Variants in EYS observed in about 807,000 individuals in gnomAD.
EYS encodes the protein protein eyes shut homolog.
EYS carries 250 observed loss-of-function variants against 282.1 expected under a neutral mutation model. The observed-to-expected ratio is 0.89, with a 90% CI of 0.80 to 0.98. The LOEUF is 0.98. EYS is among the 50% of genes least tolerant of loss of function. EYS has a pLI of 0.00. For missense variants in EYS, 4,016 were observed against 3,709.0 expected (o/e 1.08, Z -2.15); for synonymous variants, 1,355 against 1,282.9 (o/e 1.06, Z -1.20).
At chr6:64,516,699 A>C (rs1777569177) in intron 26 of EYS, among the ~76,000 whole-genome samples, 1 of 151,732 alleles carries the variant, frequency 6.6e-6, no homozygotes, top group East Asian at 1.9e-4. Context: ...GGAAATAAAC[A>C]TCTTCACATT....
rs375312366 is a variant in EYS at position 64,651,656 on chromosome 6, G to T, written c.3444-25411C>A. On this transcript the variant is annotated intron_variant, in intron 22 of 42. Coordinates refer to ENST00000503581, the MANE Select transcript of EYS (RefSeq NM_001142800.2). ...CGAGACCGCGCCACCGCACTCCAGCGTGGTGACAGAGCGAGACTCCGTCTC... is the reference window on the plus strand; with the variant it reads ...CGAGACCGCGCCACCGCACTCCAGCTTGGTGACAGAGCGAGACTCCGTCTC... Among the ~76,000 whole-genome samples the T allele has an allele frequency of 7.9e-5, 12 of 152,192 alleles. No homozygotes were observed. The East Asian group carries it at 1.6e-3, about 20-fold the overall frequency.
At chr6:65,331,777 C>G in intron 11 of EYS, 3 of 941,832 alleles carry the variant, frequency 3.2e-6, no homozygotes, top group Non-Finnish European at 3.8e-6. Flanking sequence ...TGGCTTACTA[C>G]TTTTCCTTAT....
intron 35 of EYS, among the ~76,000 whole-genome samples, chr6:63,881,069 G>C (rs1266018341): frequency 6.6e-6 from 1 of 151,934 alleles, no homozygotes; most frequent in Admixed American, 6.6e-5. Flanking sequence ...ATGGATAAAA[G>C]AATAAAAGGA....
intron 14 of EYS, among the ~76,000 whole-genome samples, chr6:64,953,920 A>G (rs1464932187): frequency 6.6e-6 from 1 of 151,964 alleles, no homozygotes; most frequent in Non-Finnish European, 1.5e-5. Flanking sequence ...ATCAAGCTAT[A>G]CTGGATTTTG....
chr6:65,106,239 T>G (rs1483334782), intron 12 of EYS, among the ~76,000 whole-genome samples: 1 of 152,006 alleles, frequency 6.6e-6, no homozygotes, highest in African/African-American at 2.4e-5. Context: ...TTTATTTCCT[T>G]TCTTTTAACA....
At chr6:65,125,314 AGAG>A (rs1351971320) in intron 12 of EYS, among the ~76,000 whole-genome samples, 1 of 152,186 alleles carries the variant, frequency 6.6e-6, no homozygotes, top group African/African-American at 2.4e-5. Flanking sequence ...ATTCATCTAT[AGAG>A]TCTCAATGAA....
intron 18 of EYS, among the ~76,000 whole-genome samples, chr6:64,887,650 A>G (rs531951754): frequency 6.6e-6 from 1 of 152,156 alleles, no homozygotes; most frequent in African/African-American, 2.4e-5. Flanking sequence ...TTATAACCAC[A>G]GAAGTCTAAC....
intron 33 of EYS, among the ~76,000 whole-genome samples, chr6:64,061,510 TTGACCTCAGTCACTACAAG>T (rs1292292361): frequency 3.0e-4 from 46 of 152,320 alleles, no homozygotes; most frequent in Non-Finnish European, 5.9e-4. Context: ...TGATACTGAA[TTGACCTCAGTCACTACAAG>T]TGGCTTATTC....
intron 19 of EYS, among the ~76,000 whole-genome samples, chr6:64,826,768 T>C (rs562124531): frequency 1.3e-5 from 2 of 150,932 alleles, no homozygotes; most frequent in Admixed American, 1.3e-4. Context: ...ATTCCCTTTT[T>C]ACCCAACTTC....
intron 26 of EYS, among the ~76,000 whole-genome samples, chr6:64,494,570 T>A (rs191528514): frequency 1.3e-5 from 2 of 151,660 alleles, no homozygotes; most frequent in African/African-American, 2.4e-5. Flanking sequence ...GTTCAATGGA[T>A]TAATGAGTGA....
intron 26 of EYS, among the ~76,000 whole-genome samples, chr6:64,558,984 A>ATAACT (rs1401086574): frequency 2.0e-5 from 3 of 152,188 alleles, no homozygotes; most frequent in African/African-American, 7.2e-5. Context: ...GTCCCACAAT[A>ATAACT]TAACTTGTTA....
chr6:64,309,267 A>AAAATG (rs1160700110), intron 29 of EYS, among the ~76,000 whole-genome samples: 2 of 152,160 alleles, frequency 1.3e-5, no homozygotes, highest in African/African-American at 4.8e-5. Context: ...AGAGCCATGA[A>AAAATG]AAATGGTCTA....
intron 22 of EYS, among the ~76,000 whole-genome samples, chr6:64,768,738 A>G (rs114287200): frequency 0.042 from 6,357 of 152,204 alleles, 156 homozygotes; most frequent in East Asian, 0.077. Flanking sequence ...GAGTTTGAGA[A>G]AAATCAGTTT....
intron 12 of EYS, among the ~76,000 whole-genome samples, chr6:65,165,740 A>G (rs1050237247): frequency 1.3e-5 from 2 of 150,876 alleles, no homozygotes; most frequent in African/African-American, 4.9e-5. Flanking sequence ...GATATTAGGG[A>G]AAAAAAAGTA....
chr6:64,607,249 G>T (rs1299381355), intron 24 of EYS, among the ~76,000 whole-genome samples: 3 of 150,824 alleles, frequency 2.0e-5, no homozygotes, highest in Non-Finnish European at 3.0e-5. Context: ...AGTTCCATTT[G>T]TTATCATGTA....
At chr6:64,086,811 A>G (rs773285166) in intron 31 of EYS, among the ~76,000 whole-genome samples, 9 of 152,202 alleles carry the variant, frequency 5.9e-5, no homozygotes, top group Non-Finnish European at 1.3e-4. Flanking sequence ...TCCTAAGCAT[A>G]TGAATTCTAA....
chr6:65,347,986 T>C (rs1204400732), intron 9 of EYS, among the ~76,000 whole-genome samples: 1 of 151,766 alleles, frequency 6.6e-6, no homozygotes, highest in East Asian at 1.9e-4. Context: ...TGAATTTGTC[T>C]TTCTGCGCCT....
intron 36 of EYS, among the ~76,000 whole-genome samples, chr6:63,863,184 AAAT>A (rs1772577497): frequency 6.6e-6 from 1 of 152,240 alleles, no homozygotes; most frequent in African/African-American, 2.4e-5. Flanking sequence ...TTTATGGTGA[AAAT>A]AATGATAAAG....
At chr6:63,991,438 C>A (rs1767597746) in intron 34 of EYS, among the ~76,000 whole-genome samples, 1 of 151,468 alleles carries the variant, frequency 6.6e-6, no homozygotes, top group South Asian at 2.1e-4. Flanking sequence ...TCGAAGTAAC[C>A]ATTTTGAAAA....
Sources: gnomAD v4.1 joint callset for allele counts (sites outside exome capture counted in the v4.1 genomes callset) on GRCh38, gnomAD v4.1.1 for gene constraint, MANE v1.5 for transcripts, NCBI Gene and HGNC (gene_info 2026-07-23, HGNC 2026-07-21) for gene names.